DYNC1H1: variants seen among roughly 807,000 people sequenced by gnomAD.
The protein encoded by DYNC1H1 is dynein cytoplasmic 1 heavy chain 1.
Under a neutral mutation model 527.1 loss-of-function variants are expected in DYNC1H1, and 51 were observed. That is an observed-to-expected ratio of 0.10 (90% CI 0.08 to 0.12). DYNC1H1 has a LOEUF of 0.12. Ranked by LOEUF, DYNC1H1 falls within the 10% of genes least tolerant of loss-of-function variation. DYNC1H1 has a pLI of 1.00. For synonymous variants in DYNC1H1, 2,189 were observed against 2,278.8 expected, an observed-to-expected ratio of 0.96 and a Z score of 1.12; for missense variants, 2,771 against 5,971.8, an observed-to-expected ratio of 0.46 and a Z score of 17.66.
chr14:102,042,801 C>G lies in DYNC1H1; in HGVS notation c.12513+53C>G, dbSNP rs1567022843. 1.3e-6 allele frequency: 2 copies of G among 1,594,824 alleles called. No individual in the cohort carries two copies. ...TTCCCCATAGAAGCTAAAGCCCAGT[C>G]CCATCACCAAATGCAGAAGTGGGTC... On this transcript the variant is annotated intron_variant, in intron 69 of 77. Transcript: ENST00000360184. This position sits in a 1 kb window ranked among gnomAD's most constrained non-coding sequence, Gnocchi z 5.7.
At chr14:102,034,960 G>T (rs768499298) in intron 56 of DYNC1H1, 3 of 241,562 alleles carry the variant, frequency 1.2e-5, no homozygotes, top group Non-Finnish European at 2.4e-5. Context: ...GCCGGGCACA[G>T]TGGCTCACAC....
chr14:102,038,121 G>A lies in DYNC1H1; in HGVS notation c.10909-339G>A. On this transcript the variant is annotated intron_variant, in intron 57 of 77. Transcript: ENST00000360184. This position sits in a 1 kb window ranked among gnomAD's most constrained non-coding sequence, Gnocchi z 7.2. ...GCCTCCCAGGTAGCTGGGACTACAGGCATGTGCCATACACCCCCAGCTAAC... is the reference window on the plus strand; with the variant it reads ...GCCTCCCAGGTAGCTGGGACTACAGACATGTGCCATACACCCCCAGCTAAC... 1 of 371,128 alleles carries A rather than the reference G, an allele frequency of 2.7e-6. No homozygotes were observed. The highest frequency in any genetic ancestry group is 2.1e-5 in the South Asian group (1 of 47,234). 23.0% of individuals were successfully genotyped at this position (371,128 alleles called of 1,614,324 possible). A position where few individuals can be genotyped will look rare whatever the true frequency, so the allele number is the denominator to read the frequency against.
chr14:101,988,597 G>A (rs770578215), intron 9 of DYNC1H1, 106 bp from the exon 10 acceptor site: 40 of 1,457,442 alleles, frequency 2.7e-5, no homozygotes, highest in South Asian at 5.8e-5. Flanking sequence ...CTTCTAGTCC[G>A]GAACTGTGTA....
chr14:102,011,812 G>A lies in DYNC1H1; in HGVS notation c.6619-63G>A. The A allele has an allele frequency of 6.5e-7, 1 of 1,542,416 alleles. No homozygotes were observed. The highest frequency in any genetic ancestry group is 1.1e-5 in the South Asian group (1 of 89,438). The stretch of plus-strand genomic sequence containing the variant: ...GCTCACTTTCACAAGAGGTGGCTGG[G>A]CGAGGAGCTGTCCCCATTCCTCCTC... On this transcript the variant is annotated intron_variant, in intron 32 of 77. Coordinates refer to ENST00000360184, the MANE Select transcript of DYNC1H1 (RefSeq NM_001376.5). The surrounding 1 kb of genome is among the most constrained non-coding windows in gnomAD (Gnocchi z 5.3).
intron 16 of DYNC1H1, among the ~76,000 whole-genome samples, chr14:101,998,900 G>GTTTTTTTTTTTTTTTTTTTT (rs2048098068): frequency 7.8e-5 from 2 of 25,524 alleles, no homozygotes; most frequent in African/African-American, 4.4e-4. Context: ...TTTTTTTTTT[G>GTTTTTTTTTTTTTTTTTTTT]AGACGGAGTC....
chr14:101,966,482 A>T (rs1406481441), intron 1 of DYNC1H1, among the ~76,000 whole-genome samples: 1 of 152,010 alleles, frequency 6.6e-6, no homozygotes, highest in African/African-American at 2.4e-5. Context: ...TGTACTATAC[A>T]GCTAAAGTAA....
rs557324617 is a variant in DYNC1H1 at position 101,999,951 on chromosome 14, CATT to C, written c.3805-37_3805-35del. On this transcript the variant is annotated intron_variant, in intron 16 of 77. Transcript: ENST00000360184. ...GCCTAAATGCTCATCTCTCCTGAGACATTGTGCTCCAATTCTCTGTGCTCTGAC... is the reference window on the plus strand; with the variant it reads ...GCCTAAATGCTCATCTCTCCTGAGACGTGCTCCAATTCTCTGTGCTCTGAC... 2.3e-5 allele frequency: 37 copies of C among 1,613,788 alleles called. No individual in the cohort carries two copies. The South Asian group carries it at 3.5e-4, about 15-fold the overall frequency.
chr14:102,003,887 C>G (rs1464503080), intron 23 of DYNC1H1, among the ~76,000 whole-genome samples: 1 of 151,620 alleles, frequency 6.6e-6, no homozygotes, highest in Non-Finnish European at 1.5e-5. Context: ...GATTGCGCCG[C>G]TGCACTCCAG....
chr14:102,039,339 G>C lies in DYNC1H1; in HGVS notation c.11461-73G>C. 11 of 1,612,894 alleles carry C rather than the reference G, an allele frequency of 6.8e-6. No individual in the cohort carries two copies. The highest frequency in any genetic ancestry group is 8.5e-6 in the Non-Finnish European group (10 of 1,180,024). On this transcript the variant is annotated intron_variant, in intron 60 of 77. Coordinates refer to ENST00000360184, the MANE Select transcript of DYNC1H1 (RefSeq NM_001376.5). This position sits in a 1 kb window ranked among gnomAD's most constrained non-coding sequence, Gnocchi z 7.0. ...AGAGGCTGGCGGGCCCTGCACAGTAGCTCCTTGGCCACGCAGAAGTTCAGC... is the reference window on the plus strand; with the variant it reads ...AGAGGCTGGCGGGCCCTGCACAGTACCTCCTTGGCCACGCAGAAGTTCAGC...
chr14:101,986,128 A>G lies in DYNC1H1; in HGVS notation c.1903A>G (p.Met635Val). Residue 635 changes from methionine (M) to valine (V), a missense_variant, in exon 8 of 78, where the codon ATG (methionine) becomes GTG (valine). Physicochemically the swap from Met to Val is conservative, Grantham distance 21 (BLOSUM62 1). Transcript: ENST00000360184. The surrounding 1 kb of genome is among the most constrained non-coding windows in gnomAD (Gnocchi z 8.7). ...GTACCCACAGAGTCAGGCTTGTAAG[A>G]TGAGTCACGTTCGTGACTTGCCCCC... ...VQYPQSQACK[M>V]SHVRDLPPVS... The G allele has an allele frequency of 1.2e-6, 2 of 1,614,228 alleles. No individual in the cohort carries two copies. The highest frequency in any genetic ancestry group is 1.7e-6 in the Non-Finnish European group (2 of 1,180,040).
At chr14:102,043,775 G>A (rs970691122) in intron 69 of DYNC1H1, 100 bp from the exon 70 acceptor site, 74 of 1,543,486 alleles carry the variant, frequency 4.8e-5, no homozygotes, top group Non-Finnish European at 5.6e-5. Context: ...GTCAGGATGT[G>A]GAGAGCTCTT....
chr14:102,032,564 T>A, intron 52 of DYNC1H1, 97 bp downstream of exon 52: 1 of 1,497,222 alleles, frequency 6.7e-7, no homozygotes, highest in Non-Finnish European at 9.2e-7. Context: ...AACTTTCGGC[T>A]GTTCAGGCCA....
Position 102,042,874 on chromosome 14 carries a change from C to G in DYNC1H1, c.12513+126C>G. 8.8e-7 allele frequency: 1 copy of G among 1,130,106 alleles called. No individual in the cohort carries two copies. Among genetic ancestry groups the G allele is most frequent in the Non-Finnish European group, 1.3e-6 (1 of 769,614 alleles). 70.0% of individuals were successfully genotyped at this position (1,130,106 alleles called of 1,614,324 possible). The stretch of plus-strand genomic sequence containing the variant: ...GTGGTGAACTGCACAGCTGCTTTTG[C>G]TTTTCAGCTGTAGGTAAAATTTCCT... On this transcript the variant is annotated intron_variant, in intron 69 of 77. Transcript: ENST00000360184. This position sits in a 1 kb window ranked among gnomAD's most constrained non-coding sequence, Gnocchi z 5.7.
Position 102,048,530 on chromosome 14 carries a change from GTTCT to G in DYNC1H1, c.13236_13239del (p.Phe4412LeufsTer5). ...AACGATTTTAGGATCCTTTGTTCAG[GTTCT>G]TTGAGAGAGAAGTGAAGATGGGCGC... On this transcript the variant is annotated frameshift_variant, in exon 74 of 78. Transcript: ENST00000360184. LOFTEE classifies it high-confidence loss of function. 1 of 1,614,226 alleles carries G rather than the reference GTTCT, an allele frequency of 6.2e-7. No homozygotes were observed. The highest frequency in any genetic ancestry group is 8.5e-7 in the Non-Finnish European group (1 of 1,180,050).
chr14:102,033,439 A>G lies in DYNC1H1; in HGVS notation c.10368A>G (p.Ser3456=). The part of the protein sequence containing the change: ...RYKEEYAVLI[S]EAQAIKADLA... ...AGGAGGAATACGCCGTCCTGATCTC[A>G]GAGGCCCAGGCCATCAAGGCAGACC... is the stretch of plus-strand genomic sequence containing the variant. The change falls in exon 54 of 78, where the codon TCA becomes TCG. Residue 3456 remains serine, a synonymous_variant. Coordinates refer to ENST00000360184, the MANE Select transcript of DYNC1H1 (RefSeq NM_001376.5). The surrounding 1 kb of genome is among the most constrained non-coding windows in gnomAD (Gnocchi z 5.6). The G allele has an allele frequency of 6.2e-7, 1 of 1,614,202 alleles. No individual in the cohort carries two copies. The highest frequency in any genetic ancestry group is 8.5e-7 in the Non-Finnish European group (1 of 1,180,046).
At position 101,964,951 on chromosome 14, in the gene DYNC1H1, C is replaced by T. The variant is rs546058194; in HGVS notation, c.256+4C>T. ...GTGGAGCGCTCCACGCTCAAAGGTGCGGGGCCGCGGAGGGCAGGGTCGCCA... is the reference window on the plus strand; with the variant it reads ...GTGGAGCGCTCCACGCTCAAAGGTGTGGGGCCGCGGAGGGCAGGGTCGCCA... On this transcript the variant is annotated splice_donor_region_variant and intron_variant, in intron 1 of 77. Transcript: ENST00000360184. The surrounding 1 kb of genome is among the most constrained non-coding windows in gnomAD (Gnocchi z 5.5). 222 of 1,590,590 alleles carry T rather than the reference C, an allele frequency of 1.4e-4. 1 individual carries two copies. In the Admixed American group the frequency reaches 3.8e-3, roughly 27 times the overall value.
chr14:101,983,296 T>A lies in DYNC1H1; in HGVS notation c.1233+6T>A, dbSNP rs1297204931. Reference sequence around the variant, plus strand: ...CTTATGAAGAATTTGAAAAAGTAAGTTTGAATATATAAGACAACCAACCTC... The same window carrying A: ...CTTATGAAGAATTTGAAAAAGTAAGATTGAATATATAAGACAACCAACCTC... On this transcript the variant is annotated splice_donor_region_variant and intron_variant, in intron 6 of 77. Coordinates refer to ENST00000360184, the MANE Select transcript of DYNC1H1 (RefSeq NM_001376.5). The surrounding 1 kb of genome is among the most constrained non-coding windows in gnomAD (Gnocchi z 5.3). 1 of 1,614,096 alleles carries A rather than the reference T, an allele frequency of 6.2e-7. No homozygotes were observed. Among genetic ancestry groups the A allele is most frequent in the African/African-American group, 1.3e-5 (1 of 74,938 alleles).
intron 52 of DYNC1H1, chr14:102,032,725 C>T (rs1403261861): frequency 1.2e-5 from 7 of 581,382 alleles, no homozygotes; most frequent in East Asian, 3.1e-5. Flanking sequence ...GGGTGGCATG[C>T]GCCTGTAGTC....
chr14:102,032,594 C>G, intron 52 of DYNC1H1, 127 bp downstream of exon 52: 2 of 1,247,626 alleles, frequency 1.6e-6, no homozygotes, highest in Admixed American at 3.9e-5. Flanking sequence ...GCTCACGGCT[C>G]CAATCCCAGA....
Sources: gnomAD v4.1 joint callset for allele counts (sites outside exome capture counted in the v4.1 genomes callset) on GRCh38, gnomAD v4.1.1 for gene constraint, Gnocchi (gnomAD v3.1) non-coding constraint, MANE v1.5 for transcripts, NCBI Gene and HGNC (gene_info 2026-07-23, HGNC 2026-07-21) for gene names.